The following VPS54 variants were observed in gnomAD, a reference collection of about 807,000 sequenced individuals.
VPS54 encodes VPS54 subunit of GARP complex.
VPS54 carries 45 observed loss-of-function variants against 121.5 expected under a neutral mutation model. The ratio of observed to expected loss-of-function variants is 0.37; its 90% CI spans 0.29 to 0.47. The LOEUF (loss-of-function observed/expected upper bound fraction) is 0.47, where lower values mean the gene tolerates loss of function less well. Ranked by LOEUF, VPS54 falls within the 20% of genes least tolerant of loss-of-function variation. VPS54 has a pLI of 0.99. For missense variants in VPS54, 1,090 were observed against 1,131.4 expected (o/e 0.96, Z 0.52); for synonymous variants, 371 against 385.8 (o/e 0.96, Z 0.45).
intron 20 of VPS54, among the ~76,000 whole-genome samples, chr2:63,902,896 A>C (rs995399223): frequency 6.6e-6 from 1 of 152,218 alleles, no homozygotes; most frequent in Non-Finnish European, 1.5e-5. Context: ...TAAACTCAGG[A>C]GGTGGAGGTC....
At position 64,012,455 on chromosome 2, in the gene VPS54, T is replaced by TA. The variant is rs11316408; in HGVS notation, c.-21+6482dup. Among the ~76,000 whole-genome samples the TA allele has an allele frequency of 2.8e-3, 314 of 111,552 alleles. 3 individuals carry two copies. Among genetic ancestry groups the TA allele is most frequent in the East Asian group, 0.021 (85 of 4,024 alleles). 73.2% of individuals were successfully genotyped at this position (111,552 alleles called of 152,430 possible). ...ACGCAAGGCTCAAAAAGTAACTGTT[T>TA]AAAAAAAAAAAAAAAAAAAAAGTCC... is the stretch of plus-strand genomic sequence containing the variant. On this transcript the variant is annotated intron_variant, in intron 1 of 22. Transcript: ENST00000272322.
At chr2:63,949,352 T>C (rs961327133) in intron 7 of VPS54, among the ~76,000 whole-genome samples, 189 bp from the exon 8 acceptor site, 2 of 152,200 alleles carry the variant, frequency 1.3e-5, no homozygotes, top group Non-Finnish European at 2.9e-5. Context: ...AAATTCCATT[T>C]TTCTCTTTAC....
intron 20 of VPS54, among the ~76,000 whole-genome samples, chr2:63,906,763 T>C (rs1012191713): frequency 1.3e-5 from 2 of 152,180 alleles, no homozygotes; most frequent in African/African-American, 4.8e-5. Context: ...GGAGACCCAA[T>C]AATGTCAATT....
chr2:63,927,368 C>A (rs1482929330), intron 12 of VPS54, among the ~76,000 whole-genome samples: 1 of 152,180 alleles, frequency 6.6e-6, no homozygotes, highest in Non-Finnish European at 1.5e-5. Flanking sequence ...CCCAGACAAA[C>A]AGGGTCTGGA....
intron 13 of VPS54, among the ~76,000 whole-genome samples, 182 bp from the exon 14 acceptor site, chr2:63,920,809 A>G (rs987699988): frequency 3.3e-5 from 5 of 152,126 alleles, no homozygotes; most frequent in African/African-American, 1.2e-4. Context: ...TGATCCCTTT[A>G]TAACTAATAT....
At chr2:63,969,360 C>G (rs1340227373) in intron 4 of VPS54, among the ~76,000 whole-genome samples, 1 of 152,162 alleles carries the variant, frequency 6.6e-6, no homozygotes, top group Non-Finnish European at 1.5e-5. Context: ...AAAGCTTCAT[C>G]TGTATTTACA....
At chr2:63,941,375 T>A (rs1013320552) in intron 11 of VPS54, among the ~76,000 whole-genome samples, 1 of 149,820 alleles carries the variant, frequency 6.7e-6, no homozygotes, top group African/African-American at 2.5e-5. Flanking sequence ...CAGGTGTGCA[T>A]CACTATGCTT....
intron 3 of VPS54, among the ~76,000 whole-genome samples, chr2:63,980,164 T>C (rs954797835): frequency 6.6e-6 from 1 of 152,314 alleles, no homozygotes; most frequent in East Asian, 1.9e-4. Flanking sequence ...AAAACTGTAA[T>C]GTCTTCTTGG....
intron 1 of VPS54, among the ~76,000 whole-genome samples, chr2:63,991,611 G>C (rs1465304048): frequency 6.6e-6 from 1 of 152,198 alleles, no homozygotes; most frequent in Non-Finnish European, 1.5e-5. Flanking sequence ...ATGGCCAAAT[G>C]CTGCTGCTAC....
At chr2:63,983,776 C>T in intron 2 of VPS54, 88 bp downstream of exon 2, 15 of 1,453,678 alleles carry the variant, frequency 1.0e-5, no homozygotes, top group Non-Finnish European at 1.4e-5. Flanking sequence ...AAAATTTACT[C>T]TTCTAACGTT....
chr2:63,932,818 T>C (rs1674275698), intron 12 of VPS54, among the ~76,000 whole-genome samples: 3 of 152,148 alleles, frequency 2.0e-5, no homozygotes, highest in African/African-American at 7.2e-5. Flanking sequence ...CTGGGTCAAT[T>C]GGTAAACTTT....
chr2:63,977,622 A>C (rs944140684), intron 3 of VPS54, among the ~76,000 whole-genome samples: 1 of 152,142 alleles, frequency 6.6e-6, no homozygotes, highest in Non-Finnish European at 1.5e-5. Context: ...CATGTTTTCC[A>C]CTACAGCCCT....
At chr2:63,957,441 C>CAAAAAAAAAAAAAAAAAAA (rs10551633) in intron 7 of VPS54, among the ~76,000 whole-genome samples, 110 of 90,114 alleles carry the variant, frequency 1.2e-3, no homozygotes, top group Non-Finnish European at 1.9e-3. Flanking sequence ...GACTCCATCT[C>CAAAAAAAAAAAAAAAAAAA]AAAAAAAAAA....
At chr2:63,926,018 T>C (rs1305589983) in intron 12 of VPS54, among the ~76,000 whole-genome samples, 1 of 152,244 alleles carries the variant, frequency 6.6e-6, no homozygotes, top group Non-Finnish European at 1.5e-5. Flanking sequence ...TGAATACAAA[T>C]GATACTTGAA....
chr2:63,936,452 A>G (rs982698348), intron 11 of VPS54, among the ~76,000 whole-genome samples: 1 of 152,192 alleles, frequency 6.6e-6, no homozygotes, highest in Non-Finnish European at 1.5e-5. Flanking sequence ...AGCTAAGCCA[A>G]ATATAATTTT....
At position 63,965,824 on chromosome 2, in the gene VPS54, A is replaced by G. The variant is rs1218827782; in HGVS notation, c.624+11T>C. The G allele has an allele frequency of 1.2e-6, 2 of 1,609,352 alleles. No homozygotes were observed. The highest frequency in any genetic ancestry group is 2.2e-5 in the East Asian group (1 of 44,762). ...TAGTTTCCTACATGGAAAAAGTCAAAAAGAAATTACCTTTTCTTGAAGCAA... is the reference window on the plus strand; with the variant it reads ...TAGTTTCCTACATGGAAAAAGTCAAGAAGAAATTACCTTTTCTTGAAGCAA... On this transcript the variant is annotated intron_variant, in intron 6 of 22. Transcript: ENST00000272322.
chr2:63,928,446 A>G (rs566537038), intron 12 of VPS54, among the ~76,000 whole-genome samples: 4 of 152,354 alleles, frequency 2.6e-5, no homozygotes, highest in South Asian at 2.1e-4. Flanking sequence ...GCCTTTACAG[A>G]CAAGCAAATG....
rs1158222220 is a variant in VPS54 at position 63,920,558 on chromosome 2, A to C, written c.1939T>G (p.Leu647Val). The C allele has an allele frequency of 6.3e-7, 1 of 1,576,072 alleles. No individual in the cohort carries two copies. Among genetic ancestry groups the C allele is most frequent in the Non-Finnish European group, 8.6e-7 (1 of 1,161,542 alleles). ...CTTCCACAGATCTGTTCGGTGTCTA[A>C]AATGAATGTTTCCATTAATCTAGAA... is the stretch of plus-strand genomic sequence containing the variant. ...TLSRLMETFI[L>V]DTEQICGRKS... Residue 647 changes from leucine (L) to valine (V), a missense_variant, in exon 14 of 23, where the codon TTA becomes GTA. Transcript: ENST00000272322.
In VPS54 at chr2:63,977,394, A is replaced by G. The variant is rs75761200; in HGVS notation, c.378+4252T>C. Among the ~76,000 whole-genome samples the G allele has an allele frequency of 4.0e-3, 611 of 152,300 alleles. 3 individuals are homozygous for G. Among genetic ancestry groups the G allele is most frequent in the African/African-American group, 0.014 (585 of 41,560 alleles). ...AGCCTTCAGTGCTTATTTAAGCAAG[A>G]CTTCCTTGAAGCCTTACTTCCCTTG... On this transcript the variant is annotated intron_variant, in intron 3 of 22. Coordinates refer to ENST00000272322, the MANE Select transcript of VPS54 (RefSeq NM_016516.3).
Sources: allele counts gnomAD v4.1 joint callset (sites outside exome capture counted in the v4.1 genomes callset), GRCh38; gene constraint gnomAD v4.1.1; transcripts MANE v1.5; gene names NCBI Gene and HGNC (gene_info 2026-07-23, HGNC 2026-07-21).